Variants in AGBL4 observed in about 807,000 individuals in gnomAD.
The protein encoded by AGBL4 is cytosolic carboxypeptidase 6.
AGBL4 carries 58 observed loss-of-function variants against 66.4 expected under a neutral mutation model. The ratio of observed to expected loss-of-function variants is 0.87; its 90% CI spans 0.71 to 1.09. The LOEUF is 1.09. Ranked by LOEUF, AGBL4 falls within the 50% of genes least tolerant of loss-of-function variation. The probability of loss-of-function intolerance (pLI) is 0.00; values close to 1 mark genes in which losing one functional copy is unlikely to be tolerated. For synonymous variants in AGBL4, 234 were observed against 222.9 expected (o/e 1.05, Z -0.44); for missense variants, 579 against 631.0 (o/e 0.92, Z 0.88).
At position 48,617,207 on chromosome 1, in the gene AGBL4, A is replaced by G. The variant is rs191700373; in HGVS notation, c.951+17286T>C. On this transcript the variant is annotated intron_variant, in intron 9 of 13. Transcript: ENST00000371839. ...TTTTTATGACTGTGACAACACTAATATATTTATTTCCCTTCTGAAATTAAC... is the reference window on the plus strand; with the variant it reads ...TTTTTATGACTGTGACAACACTAATGTATTTATTTCCCTTCTGAAATTAAC... Among the ~76,000 whole-genome samples, 3 of 152,346 alleles carry G rather than the reference A, an allele frequency of 2.0e-5. No homozygotes were observed. In the East Asian group the frequency reaches 5.8e-4, roughly 29 times the overall value.
At chr1:49,461,912 C>A (rs1420548064) in intron 3 of AGBL4, among the ~76,000 whole-genome samples, 1 of 151,568 alleles carries the variant, frequency 6.6e-6, no homozygotes, top group Non-Finnish European at 1.5e-5. Context: ...CTATTGTGAA[C>A]AATGCTGCAA....
intron 4 of AGBL4, among the ~76,000 whole-genome samples, chr1:49,134,725 A>G (rs541658662): frequency 1.3e-5 from 2 of 152,118 alleles, no homozygotes; most frequent in Admixed American, 1.3e-4. Flanking sequence ...CACATGCTTT[A>G]TGAACAATTC....
At chr1:49,470,956 C>G (rs1162055302) in intron 3 of AGBL4, among the ~76,000 whole-genome samples, 1 of 152,036 alleles carries the variant, frequency 6.6e-6, no homozygotes, top group Non-Finnish European at 1.5e-5. Flanking sequence ...CAAAAACCCT[C>G]TTCAGCTAAG....
At chr1:49,705,217 G>A (rs1647186253) in intron 2 of AGBL4, among the ~76,000 whole-genome samples, 2 of 152,140 alleles carry the variant, frequency 1.3e-5, no homozygotes, top group South Asian at 4.1e-4. Context: ...TCATGATTTG[G>A]CTTTCTGTTT....
chr1:48,703,861 G>T (rs1646840616), intron 6 of AGBL4, among the ~76,000 whole-genome samples: 1 of 152,198 alleles, frequency 6.6e-6, no homozygotes, highest in East Asian at 1.9e-4. Context: ...TTGCTTTGTT[G>T]TTAACTGATA....
chr1:49,523,987 C>G (rs138174095), intron 3 of AGBL4, among the ~76,000 whole-genome samples: 6 of 151,686 alleles, frequency 4.0e-5, no homozygotes, highest in African/African-American at 1.2e-4. Context: ...TCATCATCAT[C>G]ATGAAGACAG....
intron 6 of AGBL4, among the ~76,000 whole-genome samples, chr1:48,856,305 T>A (rs945326217): frequency 1.3e-5 from 2 of 152,224 alleles, no homozygotes; most frequent in Non-Finnish European, 2.9e-5. Context: ...TAAAACTTAC[T>A]GTGATTGCAA....
chr1:48,652,931 TA>T (rs1425248612), intron 8 of AGBL4, among the ~76,000 whole-genome samples: 2 of 152,172 alleles, frequency 1.3e-5, no homozygotes, highest in East Asian at 1.9e-4. Context: ...TACCCCACGA[TA>T]TTCTGCAAAA....
chr1:49,586,304 A>C (rs558680437), intron 3 of AGBL4, among the ~76,000 whole-genome samples: 3 of 152,360 alleles, frequency 2.0e-5, no homozygotes, highest in Non-Finnish European at 4.4e-5. Context: ...AAAGCATCAG[A>C]GTATGCCTAG....
At chr1:49,136,453 A>G (rs749869740) in intron 4 of AGBL4, among the ~76,000 whole-genome samples, 1 of 152,188 alleles carries the variant, frequency 6.6e-6, no homozygotes, top group Non-Finnish European at 1.5e-5. Flanking sequence ...TGCTGTTCCC[A>G]TAGTTGACAG....
At chr1:48,732,915 C>T (rs1019052134) in intron 6 of AGBL4, among the ~76,000 whole-genome samples, 11 of 152,180 alleles carry the variant, frequency 7.2e-5, no homozygotes, top group African/African-American at 1.4e-4. Context: ...AAATCCCCAG[C>T]GTGCAGAACA....
At chr1:49,562,626 T>C (rs1282842786) in intron 3 of AGBL4, among the ~76,000 whole-genome samples, 1 of 152,122 alleles carries the variant, frequency 6.6e-6, no homozygotes, top group East Asian at 1.9e-4. Context: ...TGTAGATATA[T>C]GGCATTATTT....
chr1:48,759,412 GCAAA>G, intron 6 of AGBL4: 1 of 1,393,948 alleles, frequency 7.2e-7, no homozygotes, highest in Middle Eastern at 2.6e-4. Context: ...AGAAACCTGT[GCAAA>G]CACTTAGTCA....
intron 2 of AGBL4, among the ~76,000 whole-genome samples, chr1:49,837,636 G>A (rs926955215): frequency 6.6e-6 from 1 of 152,150 alleles, no homozygotes; most frequent in East Asian, 1.9e-4. Context: ...CACGAGGTCA[G>A]GAGATCGGAC....
intron 4 of AGBL4, among the ~76,000 whole-genome samples, chr1:49,058,868 C>A (rs184746931): frequency 1.4e-4 from 21 of 152,202 alleles, no homozygotes; most frequent in Non-Finnish European, 2.5e-4. Context: ...TTTTGCCCTG[C>A]CCTAGAGATC....
At chr1:48,710,968 T>C (rs1646958347) in intron 6 of AGBL4, among the ~76,000 whole-genome samples, 1 of 151,240 alleles carries the variant, frequency 6.6e-6, no homozygotes, top group Non-Finnish European at 1.5e-5. Context: ...GTGACAAACC[T>C]CTCACATGGA....
At chr1:49,972,894 C>T (rs964804171) in intron 1 of AGBL4, among the ~76,000 whole-genome samples, 1 of 152,150 alleles carries the variant, frequency 6.6e-6, no homozygotes, top group Non-Finnish European at 1.5e-5. Context: ...GTTCTAAATA[C>T]TTCACATATA....
chr1:49,810,652 G>A (rs1390756006), intron 2 of AGBL4, among the ~76,000 whole-genome samples: 1 of 152,116 alleles, frequency 6.6e-6, no homozygotes, highest in Non-Finnish European at 1.5e-5. Flanking sequence ...TGATTGACTG[G>A]AATACTGGGT....
intron 11 of AGBL4, among the ~76,000 whole-genome samples, chr1:48,571,112 T>G (rs1164847031): frequency 6.6e-6 from 1 of 152,212 alleles, no homozygotes; most frequent in East Asian, 1.9e-4. Flanking sequence ...GCTCATTTAA[T>G]TCTCACCACA....
Sources: gnomAD v4.1 joint callset for allele counts (sites outside exome capture counted in the v4.1 genomes callset) on GRCh38, gnomAD v4.1.1 for gene constraint, MANE v1.5 for transcripts, NCBI Gene and HGNC (gene_info 2026-07-23, HGNC 2026-07-21) for gene names.